Variants in BRI3BP observed in about 807,000 individuals in gnomAD.
The protein encoded by BRI3BP is BRI3-binding protein.
A neutral mutation model predicts 15.8 loss-of-function variants in BRI3BP; 7 were observed. The observed-to-expected ratio is 0.44, with a 90% CI of 0.25 to 0.83. The LOEUF is 0.83. BRI3BP is among the 40% of genes least tolerant of loss of function. The pLI, the probability that BRI3BP is intolerant of heterozygous loss-of-function variation, is 0.20. For synonymous variants in BRI3BP, 192 were observed against 163.5 expected, an observed-to-expected ratio of 1.17 and a Z score of -1.33; for missense variants, 320 against 339.3, an observed-to-expected ratio of 0.94 and a Z score of 0.45.
At chr12:125,008,299 C>CTTTTTTTTTTTTTTTTTTTTTTTT (rs55697100) in intron 1 of BRI3BP, among the ~76,000 whole-genome samples, 6 of 99,946 alleles carry the variant, frequency 6.0e-5, no homozygotes, top group East Asian at 3.1e-4. Flanking sequence ...CCTCTTCTTT[C>CTTTTTTTTTTTTTTTTTTTTTTTT]TTTTTTTTTT....
chr12:124,994,312 A>T (rs1955022606), intron 1 of BRI3BP, among the ~76,000 whole-genome samples: 1 of 151,914 alleles, frequency 6.6e-6, no homozygotes, highest in Non-Finnish European at 1.5e-5. Flanking sequence ...CGTCTCATTC[A>T]TTCATTCACC....
In BRI3BP at chr12:125,016,133, G is replaced by T. The variant is rs1047822001; in HGVS notation, c.316+3497G>T. 6.6e-5 allele frequency among the ~76,000 whole-genome samples: 10 copies of T among 152,200 alleles called. No homozygotes were observed. In the South Asian group the frequency reaches 1.7e-3, roughly 25 times the overall value. Reference sequence around the variant, plus strand: ...CTGAATGCCTGCATTCATCAGGGGAGCAGCTGGCGCGTTCTGGAGGCGAAA... The same window carrying T: ...CTGAATGCCTGCATTCATCAGGGGATCAGCTGGCGCGTTCTGGAGGCGAAA... On this transcript the variant is annotated intron_variant, in intron 2 of 2. Coordinates refer to ENST00000341446, the MANE Select transcript of BRI3BP (RefSeq NM_080626.6).
intron 1 of BRI3BP, among the ~76,000 whole-genome samples, chr12:125,011,395 A>T (rs891980285): frequency 5.3e-5 from 8 of 152,152 alleles, no homozygotes; most frequent in Non-Finnish European, 8.8e-5. Context: ...CCCCTGTAAT[A>T]GCCAAGGCTG....
chr12:124,997,014 CT>C (rs985951595), intron 1 of BRI3BP, among the ~76,000 whole-genome samples: 1 of 150,600 alleles, frequency 6.6e-6, no homozygotes, highest in Non-Finnish European at 1.5e-5. Context: ...CCTCCTCAGC[CT>C]CCCAAAGTGC....
At chr12:125,046,459 CAAG>C in the BRI3BP span, among the ~76,000 whole-genome samples, 10 of 152,032 alleles carry the variant, frequency 6.6e-5, no homozygotes, top group African/African-American at 2.4e-4. Context: ...GAAGCTGAGG[CAAG>C]AAGCTGCCTC....
chr12:125,022,547 T>TATTTTTTTTTTTTTTTTTTA (rs1955309594), intron 2 of BRI3BP, among the ~76,000 whole-genome samples: 1 of 151,690 alleles, frequency 6.6e-6, no homozygotes, highest in Non-Finnish European at 1.5e-5. Flanking sequence ...ATTTATTTTT[T>TATTTTTTTTTTTTTTTTTTA]GAGACAGAGC....
the BRI3BP span, among the ~76,000 whole-genome samples, chr12:125,049,901 C>T: frequency 7.7e-3 from 1,169 of 152,164 alleles, 5 homozygotes; most frequent in Non-Finnish European, 0.012. Flanking sequence ...GGTGGGGACG[C>T]GCAGGAGGCC....
At chr12:125,002,651 T>C (rs1955105811) in intron 1 of BRI3BP, among the ~76,000 whole-genome samples, 1 of 152,046 alleles carries the variant, frequency 6.6e-6, no homozygotes, top group Non-Finnish European at 1.5e-5. Flanking sequence ...ACAGACAGAG[T>C]TTCACTGTGT....
In BRI3BP at chr12:124,993,904, C is replaced by A; in HGVS notation, c.114C>A (p.Arg38=). ...CGGGCGCGCAGGGGGCGCGGGGCCG[C>A]GGCGGCGCGGAGAAGAACAGCTACC... The part of the protein sequence containing the change: ...LAPGAQGARG[R]GGAEKNSYRR... The change falls in exon 1 of 3, where the codon CGC becomes CGA. Residue 38 remains arginine (R), a synonymous_variant. Transcript: ENST00000341446. The A allele has an allele frequency of 7.8e-7, 1 of 1,276,684 alleles. No individual in the cohort carries two copies. Among genetic ancestry groups the A allele is most frequent in the African/African-American group, 1.6e-5 (1 of 63,466 alleles). 79.1% of individuals were successfully genotyped at this position (1,276,684 alleles called of 1,614,324 possible).
chr12:125,014,891 C>T (rs1955229586), intron 2 of BRI3BP, among the ~76,000 whole-genome samples: 1 of 152,158 alleles, frequency 6.6e-6, no homozygotes. Flanking sequence ...CTCAGCCTCC[C>T]GAGTAGCTGG....
Position 125,011,059 on chromosome 12 carries a change from A to T in BRI3BP, c.214-1475A>T, listed in dbSNP as rs182807771. 2.4e-3 allele frequency among the ~76,000 whole-genome samples: 336 copies of T among 137,644 alleles called. 2 individuals carry two copies. Among genetic ancestry groups the T allele is most frequent in the African/African-American group, 8.8e-3 (321 of 36,374 alleles). The allele number at this position is 137,644 out of a possible 152,430, so 90.3% of individuals were successfully genotyped here. A position where few individuals can be genotyped will look rare whatever the true frequency, so the allele number is the denominator to read the frequency against. The stretch of plus-strand genomic sequence containing the variant: ...CAGTGAGCCGAGATCATACCACTGC[A>T]CTCCAGCCGGAGTGACAGAGCGAGA... On this transcript the variant is annotated intron_variant, in intron 1 of 2. Transcript: ENST00000341446.
Position 125,030,964 on chromosome 12 carries a change from TGTG to T in BRI3BP, c.*5535_*5537del, listed in dbSNP as rs1335726937. 1.7e-5 allele frequency: 2 copies of T among 115,434 alleles called. No homozygotes were observed. The highest frequency in any genetic ancestry group is 4.0e-5 in the Non-Finnish European group (2 of 50,518). The allele number at this position is 115,434 out of a possible 1,614,324, so 7.2% of individuals were successfully genotyped here. On this transcript the variant is annotated 3_prime_UTR_variant, in exon 3 of 3. Transcript: ENST00000341446. The stretch of plus-strand genomic sequence containing the variant: ...TTGAATAGTGTGTGTGTGTACATGG[TGTG>T]TGTGTGTGTGTGCACTTTAGTTTCG...
chr12:125,028,568 G>A lies in BRI3BP; in HGVS notation c.*3138G>A, dbSNP rs1380517082. ...TATAGCTTGATACATTCTGGTGAAA[G>A]ATGTCTTCATTTTTAATGAAAGAAC... On this transcript the variant is annotated 3_prime_UTR_variant, in exon 3 of 3. Coordinates refer to ENST00000341446, the MANE Select transcript of BRI3BP (RefSeq NM_080626.6). 3 of 152,160 alleles carry A rather than the reference G, an allele frequency of 2.0e-5. No homozygotes were observed. Among genetic ancestry groups the A allele is most frequent in the Admixed American group, 2.0e-4 (3 of 15,268 alleles). 9.4% of individuals were successfully genotyped at this position (152,160 alleles called of 1,614,324 possible). A position where few individuals can be genotyped will look rare whatever the true frequency, so the allele number is the denominator to read the frequency against.
Position 125,028,724 on chromosome 12 carries a change from T to C in BRI3BP, c.*3294T>C, listed in dbSNP as rs531903862. ...TTTATTGCATAGATTTCACCTTTTC[T>C]GGGGCACATCTTACCCCAAAATAAT... On this transcript the variant is annotated 3_prime_UTR_variant, in exon 3 of 3. Coordinates refer to ENST00000341446, the MANE Select transcript of BRI3BP (RefSeq NM_080626.6). 6.6e-6 allele frequency: 1 copy of C among 152,318 alleles called. No individual in the cohort carries two copies. The highest frequency in any genetic ancestry group is 6.5e-5 in the Admixed American group (1 of 15,298). 9.4% of individuals were successfully genotyped at this position (152,318 alleles called of 1,614,324 possible).
rs971979773 is a variant in BRI3BP, at chr12:124,993,697, C to T, written c.-94C>T. 16 of 702,108 alleles carry T rather than the reference C, an allele frequency of 2.3e-5. No individual in the cohort carries two copies. The highest frequency in any genetic ancestry group is 1.9e-4 in the Admixed American group (3 of 15,480). The allele number at this position is 702,108 out of a possible 1,614,324, so 43.5% of individuals were successfully genotyped here. On this transcript the variant is annotated 5_prime_UTR_variant, in exon 1 of 3. Transcript: ENST00000341446. ...GTGGGTAAAGGCGCGGCGCGCGGCC[C>T]CCGAGCGCGCCAACCTTGCCCTAGC... is the stretch of plus-strand genomic sequence containing the variant.
chr12:125,032,207 A>G (rs534935560), downstream of BRI3BP, among the ~76,000 whole-genome samples: 1 of 151,732 alleles, frequency 6.6e-6, no homozygotes, highest in South Asian at 2.1e-4. Flanking sequence ...TCATGCCTGT[A>G]ATCCCAGCAC....
At chr12:124,994,040 C>G (rs1194314098) in intron 1 of BRI3BP, 37 bp downstream of exon 1, 2 of 1,236,712 alleles carry the variant, frequency 1.6e-6, no homozygotes, top group East Asian at 3.6e-5. Context: ...CACCTTGCCC[C>G]GGTCGCCACG....
intron 1 of BRI3BP, among the ~76,000 whole-genome samples, chr12:125,008,462 A>G (rs780960634): frequency 3.8e-4 from 57 of 151,596 alleles, no homozygotes; most frequent in East Asian, 1.2e-3. Flanking sequence ...ACAGGCGCCC[A>G]CCACCACGCA....
chr12:125,049,811 G>T, the BRI3BP span, among the ~76,000 whole-genome samples: 1 of 152,170 alleles, frequency 6.6e-6, no homozygotes, highest in Admixed American at 6.5e-5. Context: ...CGGGCTGAGT[G>T]TGGCGCGTGA....
Sources: allele counts gnomAD v4.1 joint callset (sites outside exome capture counted in the v4.1 genomes callset), GRCh38; gene constraint gnomAD v4.1.1; transcripts MANE v1.5; gene names NCBI Gene and HGNC (gene_info 2026-07-23, HGNC 2026-07-21).